Variants in CHD7 observed in about 807,000 individuals in gnomAD.
CHD7 encodes chromodomain helicase DNA binding protein 7.
A neutral mutation model predicts 307.3 loss-of-function variants in CHD7; 24 were observed. That is an observed-to-expected ratio of 0.08 (90% CI 0.06 to 0.11). CHD7 has a LOEUF of 0.11. CHD7 is among the 10% of genes least tolerant of loss of function. The pLI, the probability that CHD7 is intolerant of heterozygous loss-of-function variation, is 1.00. For missense variants in CHD7, 3,106 were observed against 3,727.1 expected (o/e 0.83, Z 4.34); for synonymous variants, 1,363 against 1,349.9 (o/e 1.01, Z -0.21).
intron 2 of CHD7, among the ~76,000 whole-genome samples, chr8:60,770,951 G>A (rs566195224): frequency 6.6e-6 from 1 of 152,292 alleles, no homozygotes; most frequent in South Asian, 2.1e-4. Flanking sequence ...TTTGCCAGAG[G>A]TTGCCTGGTT....
intron 15 of CHD7, 137 bp downstream of exon 15, chr8:60,830,714 C>T: frequency 2.1e-6 from 2 of 948,250 alleles, no homozygotes; most frequent in Non-Finnish European, 3.1e-6. Context: ...TCACCAGCTT[C>T]CCACTTTCTG....
chr8:60,755,503 TTATACAC>T (rs1165294658), intron 2 of CHD7, among the ~76,000 whole-genome samples: 1 of 152,092 alleles, frequency 6.6e-6, no homozygotes, highest in Non-Finnish European at 1.5e-5. Context: ...TCTTCCAACT[TTATACAC>T]TATAGTTTTT....
At chr8:60,801,392 G>A (rs1812303470) in intron 5 of CHD7, 136 bp from the exon 6 acceptor site, 1 of 617,654 alleles carries the variant, frequency 1.6e-6, no homozygotes, top group Non-Finnish European at 2.9e-6. Context: ...CCTTTCAATC[G>A]TGTTTCTCAC....
At chr8:60,760,914 A>G (rs2150619451) in intron 2 of CHD7, among the ~76,000 whole-genome samples, 1 of 152,308 alleles carries the variant, frequency 6.6e-6, no homozygotes, top group Non-Finnish European at 1.5e-5. Context: ...TAGTTCAACC[A>G]TTGTGGAAGG....
At chr8:60,743,345 G>A (rs41304214) in intron 2 of CHD7, among the ~76,000 whole-genome samples, 1,676 of 152,354 alleles carry the variant, frequency 0.011, 12 homozygotes, top group South Asian at 0.038. Context: ...CTGGGTCACC[G>A]CTAGCAGGGA....
At chr8:60,689,203 G>A (rs1043227507) in intron 1 of CHD7, among the ~76,000 whole-genome samples, 1 of 152,220 alleles carries the variant, frequency 6.6e-6, no homozygotes, top group Non-Finnish European at 1.5e-5. Flanking sequence ...CTGGTAACGT[G>A]TGGATTTATG....
At position 60,742,747 on chromosome 8, in the gene CHD7, C is replaced by T. The variant is rs772369092; in HGVS notation, c.1315C>T (p.Pro439Ser). 1.2e-6 allele frequency: 2 copies of T among 1,613,878 alleles called. No homozygotes were observed. The highest frequency in any genetic ancestry group is 1.7e-6 in the Non-Finnish European group (2 of 1,179,758). ...GCCCCATCCTCAGCCATCTCACCAGCCCCCTGGTGCCATGGGAATCGGACA... is the reference window on the plus strand; with the variant it reads ...GCCCCATCCTCAGCCATCTCACCAGTCCCCTGGTGCCATGGGAATCGGACA... ...NMPHPQPSHQ[P>S]PGAMGIGQRN... Residue 439 changes from proline (P) to serine (S), a missense_variant, in exon 2 of 38, where the codon CCC (proline) becomes TCC (serine). Physicochemically the swap from Pro to Ser is moderately conservative, Grantham distance 74 (BLOSUM62 -1). Around this residue, in one of 10 missense-constraint regions of CHD7, gnomAD observed 998 missense variants for 1,004.5 expected, o/e 0.99. Coordinates refer to ENST00000423902, the MANE Select transcript of CHD7 (RefSeq NM_017780.4).
chr8:60,791,852 TCTTC>T (rs368781711), intron 3 of CHD7, among the ~76,000 whole-genome samples: 15 of 152,348 alleles, frequency 9.8e-5, no homozygotes, highest in Middle Eastern at 3.4e-3. Flanking sequence ...CGATGAAGGC[TCTTC>T]CTTCTATGTA....
At chr8:60,753,515 G>A (rs1474633063) in intron 2 of CHD7, among the ~76,000 whole-genome samples, 1 of 152,140 alleles carries the variant, frequency 6.6e-6, no homozygotes, top group Non-Finnish European at 1.5e-5. Flanking sequence ...AGGTCTCTAA[G>A]CTAGGATATC....
At chr8:60,852,278 C>A in intron 29 of CHD7, 31 bp downstream of exon 29, 1 of 1,574,070 alleles carries the variant, frequency 6.4e-7, no homozygotes, top group South Asian at 1.1e-5. Context: ...CACTCAGCTC[C>A]CGGTACATGC....
chr8:60,702,716 T>C lies in CHD7; in HGVS notation c.-175+23634T>C, dbSNP rs568735789. On this transcript the variant is annotated intron_variant, in intron 1 of 37. Transcript: ENST00000423902. Reference sequence around the variant, plus strand: ...AGCTTCGTTTTCATAGTGAATCTTATTATCTTTTGCTGTGTAACAAACTAC... The same window carrying C: ...AGCTTCGTTTTCATAGTGAATCTTACTATCTTTTGCTGTGTAACAAACTAC... Among the ~76,000 whole-genome samples, 5 of 152,358 alleles carry C rather than the reference T, an allele frequency of 3.3e-5. No homozygotes were observed. In the East Asian group the frequency reaches 9.6e-4, roughly 29 times the overall value.
At chr8:60,727,590 A>G (rs1808231590) in intron 1 of CHD7, among the ~76,000 whole-genome samples, 1 of 151,918 alleles carries the variant, frequency 6.6e-6, no homozygotes, top group African/African-American at 2.4e-5. Context: ...GTTTGCCCCT[A>G]CCTTGTTGGC....
In CHD7 at chr8:60,831,118, T is replaced by C. The variant is rs1804499462; in HGVS notation, c.3778+541T>C. Among the ~76,000 whole-genome samples, 3 of 152,218 alleles carry C rather than the reference T, an allele frequency of 2.0e-5. No individual in the cohort carries two copies. In the South Asian group the frequency reaches 6.2e-4, roughly 31 times the overall value. On this transcript the variant is annotated intron_variant, in intron 15 of 37. Transcript: ENST00000423902. Reference sequence around the variant, plus strand: ...TCTTTTCTTAACTAAATTCATAGTGTTATGTAACTCATGGCTTAAAACCTT... The same window carrying C: ...TCTTTTCTTAACTAAATTCATAGTGCTATGTAACTCATGGCTTAAAACCTT...
chr8:60,855,496 T>C (rs182144534), intron 32 of CHD7, among the ~76,000 whole-genome samples: 5 of 152,358 alleles, frequency 3.3e-5, no homozygotes, highest in Admixed American at 6.5e-5. Context: ...TTCATAATGC[T>C]GAACTTTATT....
intron 21 of CHD7, among the ~76,000 whole-genome samples, 174 bp downstream of exon 21, chr8:60,842,226 C>CT (rs1301892470): frequency 6.6e-6 from 1 of 152,182 alleles, no homozygotes; most frequent in Non-Finnish European, 1.5e-5. Flanking sequence ...TTAACATAAT[C>CT]TAAGTTGTTC....
At chr8:60,781,575 A>T in intron 3 of CHD7, 145 bp downstream of exon 3, 3 of 1,218,268 alleles carry the variant, frequency 2.5e-6, no homozygotes, top group East Asian at 2.7e-5. Context: ...ATCCAAACTA[A>T]AAAGCTAAGG....
intron 35 of CHD7, 100 bp from the exon 36 acceptor site, chr8:60,862,096 C>T: frequency 3.4e-6 from 3 of 885,948 alleles, no homozygotes; most frequent in African/African-American, 1.7e-5. Flanking sequence ...TTGAAACTTC[C>T]ATAATAATTG....
intron 4 of CHD7, among the ~76,000 whole-genome samples, chr8:60,797,399 G>T (rs371704493): frequency 6.6e-6 from 1 of 152,098 alleles, no homozygotes; most frequent in Admixed American, 6.5e-5. Flanking sequence ...GATATCAGGA[G>T]GAACTTACAT....
intron 32 of CHD7, 79 bp from the exon 33 acceptor site, chr8:60,855,896 C>T (rs962646016): frequency 1.9e-5 from 17 of 913,732 alleles, no homozygotes; most frequent in Non-Finnish European, 2.7e-5. Context: ...TGCTCTTTTG[C>T]ATCTTGATGG....
Sources: allele counts gnomAD v4.1 joint callset (sites outside exome capture counted in the v4.1 genomes callset), GRCh38; gene constraint gnomAD v4.1.1; regional missense constraint gnomAD v4.1.1; transcripts MANE v1.5; gene names NCBI Gene and HGNC (gene_info 2026-07-23, HGNC 2026-07-21).